The following MFSD6 variants were observed in gnomAD, a reference collection of about 807,000 sequenced individuals.
The protein encoded by MFSD6 is major facilitator superfamily domain-containing protein 6.
A neutral mutation model predicts 56.3 loss-of-function variants in MFSD6; 26 were observed. The observed-to-expected ratio is 0.46, with a 90% CI of 0.34 to 0.64. The LOEUF (loss-of-function observed/expected upper bound fraction) is 0.64. Among genes scored for constraint, MFSD6 ranks in the 30% least tolerant of loss-of-function variants. MFSD6 has a pLI of 0.01. For missense variants in MFSD6, 750 were observed against 986.2 expected (o/e 0.76, Z 3.21); for synonymous variants, 331 against 366.9 (o/e 0.90, Z 1.12).
Position 190,418,430 on chromosome 2 carries a change from G to A in MFSD6, c.-54+3017G>A, listed in dbSNP as rs1690878738. Among the ~76,000 whole-genome samples, 1 of 152,176 alleles carries A rather than the reference G, an allele frequency of 6.6e-6. No homozygotes were observed. The highest frequency in any genetic ancestry group is 1.9e-4 in the East Asian group (1 of 5,190). On this transcript the variant is annotated intron_variant, in intron 2 of 7. Transcript: ENST00000392328. The surrounding 1 kb of genome is among the most constrained non-coding windows in gnomAD (Gnocchi z 4.1). ...AGCTTGCTTATGATCTAGCAGTCAGGTTTTACTAGGAGCCTTGGAAAGGCC... is the reference window on the plus strand; with the variant it reads ...AGCTTGCTTATGATCTAGCAGTCAGATTTTACTAGGAGCCTTGGAAAGGCC...
rs745469886 is a variant in MFSD6 at position 190,438,810 on chromosome 2, C to T, written c.1532+1249C>T. Among the ~76,000 whole-genome samples, 1 of 152,296 alleles carries T rather than the reference C, an allele frequency of 6.6e-6. No individual in the cohort carries two copies. The highest frequency in any genetic ancestry group is 1.5e-5 in the Non-Finnish European group (1 of 68,028). On this transcript the variant is annotated intron_variant, in intron 3 of 7. Coordinates refer to ENST00000392328, the MANE Select transcript of MFSD6 (RefSeq NM_017694.4). The surrounding 1 kb of genome is among the most constrained non-coding windows in gnomAD (Gnocchi z 5.2). ...GACAAGATTTGACAATCCTTTATTT[C>T]CTTTCTATTAACTGAAGAAAATATT...
At chr2:190,408,153 C>G (rs539630775), upstream of MFSD6, among the ~76,000 whole-genome samples, 363 of 151,840 alleles carry the variant, frequency 2.4e-3, 7 homozygotes, top group African/African-American at 8.5e-3. Context: ...ACCTGGCGGC[C>G]GGTCCTCAGC....
chr2:190,459,178 A>G lies in MFSD6; in HGVS notation c.1533-10580A>G, dbSNP rs114701648. 9.1e-4 allele frequency among the ~76,000 whole-genome samples: 138 copies of G among 152,130 alleles called. No homozygotes were observed. The highest frequency in any genetic ancestry group is 1.7e-3 in the Non-Finnish European group (117 of 67,998). Reference sequence around the variant, plus strand: ...GGCTCCTTTCTCTTTTGTTTTCGTCAGTGATCTCTTAAGATGTGATGCCCT... The same window carrying G: ...GGCTCCTTTCTCTTTTGTTTTCGTCGGTGATCTCTTAAGATGTGATGCCCT... On this transcript the variant is annotated intron_variant, in intron 3 of 7. Coordinates refer to ENST00000392328, the MANE Select transcript of MFSD6 (RefSeq NM_017694.4). This position sits in a 1 kb window ranked among gnomAD's most constrained non-coding sequence, Gnocchi z 5.3.
chr2:190,417,384 C>T lies in MFSD6; in HGVS notation c.-54+1971C>T, dbSNP rs1690822112. ...AAGATTGGCTCGAGGCCCCACACCACAGACCCTCTGTGTACATCACCTGTG... is the reference window on the plus strand; with the variant it reads ...AAGATTGGCTCGAGGCCCCACACCATAGACCCTCTGTGTACATCACCTGTG... On this transcript the variant is annotated intron_variant, in intron 2 of 7. Coordinates refer to ENST00000392328, the MANE Select transcript of MFSD6 (RefSeq NM_017694.4). This position sits in a 1 kb window ranked among gnomAD's most constrained non-coding sequence, Gnocchi z 5.7. 6.6e-6 allele frequency among the ~76,000 whole-genome samples: 1 copy of T among 152,164 alleles called. No individual in the cohort carries two copies. The highest frequency in any genetic ancestry group is 2.1e-4 in the South Asian group (1 of 4,826).
rs573983290 is a variant in MFSD6 at position 190,459,797 on chromosome 2, G to C, written c.1533-9961G>C. ...ACAACAAAATGATTTCCAGCTAGTA[G>C]AGACTCAGACCCAAATTACTTTTAC... On this transcript the variant is annotated intron_variant, in intron 3 of 7. Coordinates refer to ENST00000392328, the MANE Select transcript of MFSD6 (RefSeq NM_017694.4). This position sits in a 1 kb window ranked among gnomAD's most constrained non-coding sequence, Gnocchi z 5.3. 2.0e-5 allele frequency among the ~76,000 whole-genome samples: 3 copies of C among 152,212 alleles called. No homozygotes were observed. Among genetic ancestry groups the C allele is most frequent in the Non-Finnish European group, 2.9e-5 (2 of 68,038 alleles).
rs941515403 is a variant in MFSD6 at position 190,413,490 on chromosome 2, ACT to A, written c.-175-1799_-175-1798del. ...AAACAGGAAAGGCCAGCTCTGAATG[ACT>A]CTGAGGAAATGTTTGGAAGCATTTT... On this transcript the variant is annotated intron_variant, in intron 1 of 7. Coordinates refer to ENST00000392328, the MANE Select transcript of MFSD6 (RefSeq NM_017694.4). This position sits in a 1 kb window ranked among gnomAD's most constrained non-coding sequence, Gnocchi z 4.1. Among the ~76,000 whole-genome samples the A allele has an allele frequency of 4.6e-5, 7 of 152,236 alleles. No homozygotes were observed. Among genetic ancestry groups the A allele is most frequent in the African/African-American group, 1.4e-4 (6 of 41,536 alleles).
chr2:190,426,132 T>C lies in MFSD6; in HGVS notation c.-53-9845T>C, dbSNP rs1020906914. Among the ~76,000 whole-genome samples the C allele has an allele frequency of 5.3e-5, 8 of 152,358 alleles. No homozygotes were observed. The highest frequency in any genetic ancestry group is 1.9e-4 in the African/African-American group (8 of 41,596). ...GAGAAGTTTTTAGCCTTTACTTCTT[T>C]GACAACTTTTTCACTCCCTTTTTTT... On this transcript the variant is annotated intron_variant, in intron 2 of 7. Coordinates refer to ENST00000392328, the MANE Select transcript of MFSD6 (RefSeq NM_017694.4). This position sits in a 1 kb window ranked among gnomAD's most constrained non-coding sequence, Gnocchi z 4.7.
intron 4 of MFSD6, among the ~76,000 whole-genome samples, chr2:190,470,706 G>T (rs2125148541): frequency 6.6e-6 from 1 of 152,232 alleles, no homozygotes; most frequent in East Asian, 1.9e-4. Flanking sequence ...CAAATGCGGT[G>T]TAATCAATGT....
intron 2 of MFSD6, among the ~76,000 whole-genome samples, chr2:190,432,525 T>C (rs1330686639): frequency 1.3e-5 from 2 of 152,160 alleles, no homozygotes; most frequent in African/African-American, 4.8e-5. Context: ...CAAGTGATTC[T>C]CTTGCCTCAG....
intron 4 of MFSD6, among the ~76,000 whole-genome samples, chr2:190,482,868 CTTTTTTTTTTTTTTTTTTT>C (rs199927176): frequency 2.0e-3 from 97 of 48,294 alleles, no homozygotes; most frequent in Non-Finnish European, 3.1e-3. Flanking sequence ...AGACTATCAT[CTTTTTTTTTTTTTTTTTTT>C]TTTTTTTTTT....
intron 2 of MFSD6, among the ~76,000 whole-genome samples, chr2:190,421,790 A>C (rs6707846): frequency 0.31 from 47,830 of 151,874 alleles, 8,312 homozygotes; most frequent in Admixed American, 0.47. Flanking sequence ...ACTTTAATTG[A>C]TCCTCTTGCC....
chr2:190,499,627 G>T lies in MFSD6; in HGVS notation c.2173-388G>T, dbSNP rs1362397766. On this transcript the variant is annotated intron_variant, in intron 7 of 7. Transcript: ENST00000392328. The surrounding 1 kb of genome is among the most constrained non-coding windows in gnomAD (Gnocchi z 6.0). ...TAGACAAAGTGTCTTCTGGCTCTTG[G>T]ATTCTGTGGTCTTAGCAAGCGGCCT... 3.3e-5 allele frequency among the ~76,000 whole-genome samples: 5 copies of T among 152,196 alleles called. No individual in the cohort carries two copies. Among genetic ancestry groups the T allele is most frequent in the Non-Finnish European group, 5.9e-5 (4 of 68,040 alleles).
At position 190,492,783 on chromosome 2, in the gene MFSD6, A is replaced by G. The variant is rs904193660; in HGVS notation, c.1891+2917A>G. On this transcript the variant is annotated intron_variant, in intron 6 of 7. Transcript: ENST00000392328. The surrounding 1 kb of genome is among the most constrained non-coding windows in gnomAD (Gnocchi z 5.2). ...TCACCACTACCAAGCCAGCACTCCAAGAACTACCAAGCCAGCACTCCAAGA... is the reference window on the plus strand; with the variant it reads ...TCACCACTACCAAGCCAGCACTCCAGGAACTACCAAGCCAGCACTCCAAGA... 6.6e-6 allele frequency among the ~76,000 whole-genome samples: 1 copy of G among 152,014 alleles called. No individual in the cohort carries two copies. The highest frequency in any genetic ancestry group is 6.5e-5 in the Admixed American group (1 of 15,268).
chr2:190,441,662 C>G (rs932106105), intron 3 of MFSD6, among the ~76,000 whole-genome samples: 2 of 151,936 alleles, frequency 1.3e-5, no homozygotes, highest in African/African-American at 4.8e-5. Flanking sequence ...TCTCTACAGT[C>G]CTCTCTCTCT....
At position 190,487,267 on chromosome 2, in the gene MFSD6, G is replaced by A. The variant is rs779992949; in HGVS notation, c.1631-1390G>A. Among the ~76,000 whole-genome samples the A allele has an allele frequency of 1.3e-5, 2 of 152,164 alleles. No homozygotes were observed. The highest frequency in any genetic ancestry group is 1.5e-5 in the Non-Finnish European group (1 of 68,042). Reference sequence around the variant, plus strand: ...GAAGCAGGAGGATCGCTTGAACCCAGGAAGCAGAGGTTGCAGTGAGCTGAG... The same window carrying A: ...GAAGCAGGAGGATCGCTTGAACCCAAGAAGCAGAGGTTGCAGTGAGCTGAG... On this transcript the variant is annotated intron_variant, in intron 4 of 7. Transcript: ENST00000392328. This position sits in a 1 kb window ranked among gnomAD's most constrained non-coding sequence, Gnocchi z 5.5.
rs548951008 is a variant in MFSD6 at position 190,417,180 on chromosome 2, A to G, written c.-54+1767A>G. On this transcript the variant is annotated intron_variant, in intron 2 of 7. Transcript: ENST00000392328. The surrounding 1 kb of genome is among the most constrained non-coding windows in gnomAD (Gnocchi z 5.7). ...GTGTATTCTATTTCCAGATGTTATG[A>G]AAGGTCCCATTAGATATAGTGAATT... 2.0e-5 allele frequency among the ~76,000 whole-genome samples: 3 copies of G among 152,300 alleles called. No homozygotes were observed. The highest frequency in any genetic ancestry group is 6.5e-5 in the Admixed American group (1 of 15,308).
upstream of MFSD6, among the ~76,000 whole-genome samples, chr2:190,407,872 A>T (rs780236794): frequency 6.6e-5 from 10 of 152,198 alleles, no homozygotes; most frequent in Non-Finnish European, 1.5e-4. The surrounding 1 kb of genome is among the most constrained non-coding windows in gnomAD (Gnocchi z 5.4). Flanking sequence ...TGTGCCACTT[A>T]AAAGGCGCTC....
rs1048947573 is a variant in MFSD6, at chr2:190,438,408, C to A, written c.1532+847C>A. Among the ~76,000 whole-genome samples, 1 of 152,032 alleles carries A rather than the reference C, an allele frequency of 6.6e-6. No individual in the cohort carries two copies. Among genetic ancestry groups the A allele is most frequent in the African/African-American group, 2.4e-5 (1 of 41,380 alleles). ...GCACGCACCCGTAGTCCCAGCTACT[C>A]GGGAGGCTGACGCACAAGAATCACT... On this transcript the variant is annotated intron_variant, in intron 3 of 7. Transcript: ENST00000392328. The surrounding 1 kb of genome is among the most constrained non-coding windows in gnomAD (Gnocchi z 5.2).
chr2:190,420,522 C>T (rs1053388281), intron 2 of MFSD6, among the ~76,000 whole-genome samples: 1 of 152,148 alleles, frequency 6.6e-6, no homozygotes, highest in African/African-American at 2.4e-5. Context: ...AGACATTTAG[C>T]CCATATCAAC....
Sources: gnomAD v4.1 joint callset for allele counts (sites outside exome capture counted in the v4.1 genomes callset) on GRCh38, gnomAD v4.1.1 for gene constraint, Gnocchi (gnomAD v3.1) non-coding constraint, MANE v1.5 for transcripts, NCBI Gene and HGNC (gene_info 2026-07-23, HGNC 2026-07-21) for gene names.